PKD2L1: variants seen among roughly 807,000 people sequenced by gnomAD.
The protein encoded by PKD2L1 is polycystin 2 like 1, transient receptor potential cation channel.
PKD2L1 carries 77 observed loss-of-function variants against 93.0 expected under a neutral mutation model. The ratio of observed to expected loss-of-function variants is 0.83; its 90% CI spans 0.69 to 1.00. The LOEUF (loss-of-function observed/expected upper bound fraction) is 1.00, where lower values mean the gene tolerates loss of function less well. PKD2L1 is among the 50% of genes least tolerant of loss of function. The probability of loss-of-function intolerance (pLI) is 0.00; values close to 1 mark genes in which losing one functional copy is unlikely to be tolerated. For synonymous variants in PKD2L1, 390 were observed against 388.0 expected (o/e 1.01, Z -0.06); for missense variants, 977 against 990.9 (o/e 0.99, Z 0.19).
intron 2 of PKD2L1, among the ~76,000 whole-genome samples, chr10:100,300,958 G>T (rs556308054): frequency 1.3e-5 from 2 of 152,056 alleles, no homozygotes; most frequent in African/African-American, 2.4e-5. Context: ...ATTCAACGTA[G>T]GTTCTTTTCT....
Position 100,299,641 on chromosome 10 carries a change from CT to C in PKD2L1, c.426del (p.Asp143ThrfsTer61). ...ATGGCCTGAAAGGAGACTCCAGTGT[CT>C]GATGGAGTATGTAAGAAGAGCTCAG... ...VMSELFLHTP[S>X]DTGVSFQAIS... On this transcript the variant is annotated frameshift_variant, in exon 3 of 16. Transcript: ENST00000318222. LOFTEE classifies it high-confidence loss of function. 1 of 1,611,276 alleles carries C rather than the reference CT, an allele frequency of 6.2e-7. No individual in the cohort carries two copies. Among genetic ancestry groups the C allele is most frequent in the Non-Finnish European group, 8.5e-7 (1 of 1,177,338 alleles).
chr10:100,311,667 C>A (rs1848936832), intron 2 of PKD2L1, among the ~76,000 whole-genome samples: 1 of 152,134 alleles, frequency 6.6e-6, no homozygotes, highest in Admixed American at 6.6e-5. Context: ...TGAGCTTCTT[C>A]CCTGCCCCTA....
chr10:100,299,081 C>T (rs1201513540), intron 3 of PKD2L1, among the ~76,000 whole-genome samples: 3 of 152,068 alleles, frequency 2.0e-5, no homozygotes, highest in Admixed American at 6.6e-5. Flanking sequence ...CTCAGCCTCC[C>T]GAGGAGCTGG....
intron 2 of PKD2L1, among the ~76,000 whole-genome samples, chr10:100,323,529 G>A (rs1401108930): frequency 2.6e-5 from 4 of 152,156 alleles, no homozygotes; most frequent in Middle Eastern, 3.4e-3. Flanking sequence ...TCGGTCTGCC[G>A]AAGTTCTGGG....
intron 2 of PKD2L1, among the ~76,000 whole-genome samples, chr10:100,308,554 C>T (rs58542510): frequency 0.052 from 7,879 of 152,200 alleles, 656 homozygotes; most frequent in African/African-American, 0.18. Context: ...AGGCTAGTCT[C>T]GAACTCCTGA....
chr10:100,290,485 C>A lies in PKD2L1; in HGVS notation c.2042G>T (p.Arg681Leu), dbSNP rs6584356. 0.061 allele frequency: 97,625 copies of A among 1,612,512 alleles called. 3,293 individuals carry two copies. The highest frequency in any genetic ancestry group is 0.1 in the African/African-American group (7,530 of 74,972). The part of the protein sequence containing the change: ...ALNTEIEKLG[R>L]SIVSSPQGKS... ...GCCTTGTGGGCTGCTCACAATAGAT[C>A]GGCCTAGTTTCTCAATCTCAGTGTT... The change falls in exon 13 of 16, where the codon CGA becomes CTA. Residue 681 changes from arginine (R) to leucine (L), a missense_variant. Transcript: ENST00000318222.
chr10:100,324,002 A>G (rs1400875463), intron 2 of PKD2L1, among the ~76,000 whole-genome samples: 1 of 151,812 alleles, frequency 6.6e-6, no homozygotes. Context: ...TAATTTTTGT[A>G]TTTTTAATAG....
At chr10:100,329,452 T>C in intron 1 of PKD2L1, 128 bp from the exon 2 acceptor site, 2 of 1,248,942 alleles carry the variant, frequency 1.6e-6, no homozygotes, top group Non-Finnish European at 2.2e-6. Flanking sequence ...CCTTCATCCT[T>C]GGCTGAATCT....
Position 100,321,743 on chromosome 10 carries a change from GAAAGAAAGAAAGA to G in PKD2L1, c.349+7455_349+7467del, listed in dbSNP as rs1564894485. Among the ~76,000 whole-genome samples, 27 of 9,348 alleles carry G rather than the reference GAAAGAAAGAAAGA, an allele frequency of 2.9e-3. 2 individuals are homozygous for G. Among genetic ancestry groups the G allele is most frequent in the South Asian group, 8.1e-3 (1 of 124 alleles). 6.1% of individuals were successfully genotyped at this position (9,348 alleles called of 152,430 possible). ...AGAAAGAAAGAAAGAAAGAAAGAAA[GAAAGAAAGAAAGA>G]AGGGAGGGAGGGAGGGAGGGAGGGA... On this transcript the variant is annotated intron_variant, in intron 2 of 15. Coordinates refer to ENST00000318222, the MANE Select transcript of PKD2L1 (RefSeq NM_016112.3).
chr10:100,324,955 C>G (rs1207277403), intron 2 of PKD2L1, among the ~76,000 whole-genome samples: 1 of 152,196 alleles, frequency 6.6e-6, no homozygotes, highest in Non-Finnish European at 1.5e-5. Flanking sequence ...AACACAACAG[C>G]CACCCCGCTT....
chr10:100,315,000 A>G (rs1589677121), intron 2 of PKD2L1, among the ~76,000 whole-genome samples: 1 of 12,030 alleles, frequency 8.3e-5, no homozygotes, highest in South Asian at 4.3e-3. Context: ...GGAAGGAAGG[A>G]AGGAAGGAAG....
chr10:100,325,067 T>C (rs1372785085), intron 2 of PKD2L1, among the ~76,000 whole-genome samples: 1 of 152,198 alleles, frequency 6.6e-6, no homozygotes, highest in Non-Finnish European at 1.5e-5. Context: ...GTTCAGTGTT[T>C]CTTAACCTTT....
chr10:100,329,469 T>C (rs1849455599), intron 1 of PKD2L1, 145 bp from the exon 2 acceptor site: 2 of 1,106,726 alleles, frequency 1.8e-6, no homozygotes, highest in South Asian at 1.5e-5. Flanking sequence ...ATCTGGCTAC[T>C]GTACCCACAC....
chr10:100,290,289 G>A (rs909913775), intron 13 of PKD2L1, 112 bp downstream of exon 13: 2 of 1,248,692 alleles, frequency 1.6e-6, no homozygotes, highest in African/African-American at 3.0e-5. Flanking sequence ...GGGGAGCGGA[G>A]GTTCTCCCTG....
At position 100,330,123 on chromosome 10, in the gene PKD2L1, C is replaced by A. The variant is rs199881343; in HGVS notation, c.-20G>T. Reference sequence around the variant, plus strand: ...ATTCATGGGGAATGAGGTGGGGGGGCCCGGTACCCCAGGTGCCCACTCTCA... The same window carrying A: ...ATTCATGGGGAATGAGGTGGGGGGGACCGGTACCCCAGGTGCCCACTCTCA... On this transcript the variant is annotated 5_prime_UTR_variant, in exon 1 of 16. Coordinates refer to ENST00000318222, the MANE Select transcript of PKD2L1 (RefSeq NM_016112.3). 14 of 1,470,016 alleles carry A rather than the reference C, an allele frequency of 9.5e-6. No individual in the cohort carries two copies. The highest frequency in any genetic ancestry group is 1.3e-5 in the Non-Finnish European group (14 of 1,077,370). 91.1% of individuals were successfully genotyped at this position (1,470,016 alleles called of 1,614,324 possible).
chr10:100,328,623 C>A (rs1385272383), intron 2 of PKD2L1, among the ~76,000 whole-genome samples: 1 of 147,924 alleles, frequency 6.8e-6, no homozygotes, highest in Non-Finnish European at 1.5e-5. Flanking sequence ...GAGACAGAGT[C>A]TTGCTCTGTC....
At position 100,296,229 on chromosome 10, in the gene PKD2L1, T is replaced by C; in HGVS notation, c.1249A>G (p.Lys417Glu). Reference sequence around the variant, plus strand: ...TACGTGTTTGGCTGCTGCAGGAGCTTCCCCATGAGCCGATTCACCTCGAGG... The same window carrying C: ...TACGTGTTTGGCTGCTGCAGGAGCTCCCCCATGAGCCGATTCACCTCGAGG... ...RTLEVNRLMG[K>E]LLQQPNTYAD... Residue 417 changes from lysine (K) to glutamate (E), a missense_variant, in exon 7 of 16, where the codon AAG (lysine) becomes GAG (glutamate). Transcript: ENST00000318222. 6.2e-7 allele frequency: 1 copy of C among 1,611,010 alleles called. No individual in the cohort carries two copies. The highest frequency in any genetic ancestry group is 8.5e-7 in the Non-Finnish European group (1 of 1,178,754).
In PKD2L1 at chr10:100,299,651, A is replaced by C; in HGVS notation, c.417T>G (p.His139Gln). 1 of 1,610,190 alleles carries C rather than the reference A, an allele frequency of 6.2e-7. No homozygotes were observed. Among genetic ancestry groups the C allele is most frequent in the South Asian group, 1.1e-5 (1 of 90,976 alleles). The stretch of plus-strand genomic sequence containing the variant: ...AGGAGACTCCAGTGTCTGATGGAGT[A>C]TGTAAGAAGAGCTCAGACATCACTT... ...YTKVMSELFL[H>Q]TPSDTGVSFQ... The change falls in exon 3 of 16, where the codon CAT (histidine) becomes CAG (glutamine). Residue 139 changes from histidine (H) to glutamine (Q), a missense_variant. By Grantham distance (24) the His-to-Gln change is conservative. Coordinates refer to ENST00000318222, the MANE Select transcript of PKD2L1 (RefSeq NM_016112.3).
At chr10:100,329,050 T>C (rs1025465713) in intron 2 of PKD2L1, among the ~76,000 whole-genome samples, 161 bp downstream of exon 2, 2 of 152,174 alleles carry the variant, frequency 1.3e-5, no homozygotes, top group Non-Finnish European at 2.9e-5. Flanking sequence ...CAAAGGTAAA[T>C]AGATGGGATT....
Sources: allele counts gnomAD v4.1 joint callset (sites outside exome capture counted in the v4.1 genomes callset), GRCh38; gene constraint gnomAD v4.1.1; transcripts MANE v1.5; gene names NCBI Gene and HGNC (gene_info 2026-07-23, HGNC 2026-07-21).